GRAMD2B: variants seen among roughly 807,000 people sequenced by gnomAD.
GRAMD2B encodes GRAM domain containing 2B, also known as GRAM domain-containing protein 2B.
A neutral mutation model predicts 59.2 loss-of-function variants in GRAMD2B; 41 were observed. The ratio of observed to expected loss-of-function variants is 0.69; its 90% CI spans 0.54 to 0.90. The LOEUF is 0.90. GRAMD2B is among the 40% of genes least tolerant of loss of function. GRAMD2B has a pLI of 0.00. For synonymous variants in GRAMD2B, 161 were observed against 182.7 expected (o/e 0.88, Z 0.96); for missense variants, 424 against 500.5 (o/e 0.85, Z 1.46).
At chr5:126,431,291 C>T (rs1482293343) in intron 1 of GRAMD2B, among the ~76,000 whole-genome samples, 3 of 152,248 alleles carry the variant, frequency 2.0e-5, no homozygotes, top group South Asian at 4.1e-4. Flanking sequence ...AGTATCTGCA[C>T]ACCATAGGAG....
chr5:126,423,419 G>T lies in GRAMD2B; in HGVS notation c.-188G>T. On this transcript the variant is annotated 5_prime_UTR_variant, in exon 1 of 14. Transcript: ENST00000285689. ...ACAGTGGGTCGGACCAATCGCGCCCGCTCCGACGTGTCCAGGTCCGCGGCC... is the reference window on the plus strand; with the variant it reads ...ACAGTGGGTCGGACCAATCGCGCCCTCTCCGACGTGTCCAGGTCCGCGGCC... 1.5e-6 allele frequency: 2 copies of T among 1,379,174 alleles called. No homozygotes were observed. Among genetic ancestry groups the T allele is most frequent in the South Asian group, 3.6e-5 (2 of 55,828 alleles). 85.4% of individuals were successfully genotyped at this position (1,379,174 alleles called of 1,614,324 possible).
chr5:126,482,738 C>A (rs946280391), intron 8 of GRAMD2B, among the ~76,000 whole-genome samples: 9 of 152,170 alleles, frequency 5.9e-5, no homozygotes, highest in Non-Finnish European at 8.8e-5. Context: ...CAAGATGAGT[C>A]TCTTCTTCAT....
intron 2 of GRAMD2B, among the ~76,000 whole-genome samples, chr5:126,468,431 G>T (rs1036298950): frequency 2.6e-5 from 4 of 152,170 alleles, no homozygotes; most frequent in Admixed American, 1.3e-4. Context: ...GTTAGGCCCA[G>T]CATTTTAAGC....
chr5:126,365,873 G>A (rs955761678), intron 1 of GRAMD2B, among the ~76,000 whole-genome samples: 2 of 152,132 alleles, frequency 1.3e-5, no homozygotes, highest in African/African-American at 4.8e-5. Flanking sequence ...ACTTACCCAA[G>A]CTGGTGGATA....
chr5:126,472,076 T>A (rs1769697291), intron 3 of GRAMD2B, among the ~76,000 whole-genome samples, 162 bp from the exon 4 acceptor site: 1 of 152,208 alleles, frequency 6.6e-6, no homozygotes, highest in Non-Finnish European at 1.5e-5. Flanking sequence ...GCCCAGACTT[T>A]CACTGTGTTT....
In GRAMD2B at chr5:126,480,762, T is replaced by C. The variant is rs1294079271; in HGVS notation, c.735+55T>C. The C allele has an allele frequency of 4.1e-6, 6 of 1,464,128 alleles. No homozygotes were observed. The African/African-American group carries it at 7.0e-5, about 17-fold the overall frequency. 90.7% of individuals were successfully genotyped at this position (1,464,128 alleles called of 1,614,324 possible). On this transcript the variant is annotated intron_variant, in intron 8 of 13. Coordinates refer to ENST00000285689, the MANE Select transcript of GRAMD2B (RefSeq NM_023927.4). ...AAAAGAAAGGGAATATGTCCCACAA[T>C]TACACTTGTGCTTACACCATGACCA...
At chr5:126,440,414 T>C (rs1048610645) in intron 1 of GRAMD2B, among the ~76,000 whole-genome samples, 8 of 152,116 alleles carry the variant, frequency 5.3e-5, no homozygotes, top group Admixed American at 5.2e-4. Flanking sequence ...ATCTGAGTAA[T>C]AAAAAGATAG....
chr5:126,392,131 C>A (rs1187681669), intron 1 of GRAMD2B, among the ~76,000 whole-genome samples: 2 of 152,144 alleles, frequency 1.3e-5, no homozygotes, highest in East Asian at 3.8e-4. Flanking sequence ...CTTCCCTTTT[C>A]TCTTTTCACT....
chr5:126,443,339 A>G (rs74397037), intron 1 of GRAMD2B, among the ~76,000 whole-genome samples: 5,519 of 152,312 alleles, frequency 0.036, 348 homozygotes, highest in African/African-American at 0.13. Flanking sequence ...CAGAAACTGT[A>G]TGGCTCAGGC....
chr5:126,415,620 T>C (rs747702075), intron 1 of GRAMD2B, among the ~76,000 whole-genome samples: 2 of 152,152 alleles, frequency 1.3e-5, no homozygotes, highest in Non-Finnish European at 2.9e-5. Flanking sequence ...AATAAATCTG[T>C]GGCTACTTGA....
At chr5:126,439,290 A>G (rs534444983) in intron 1 of GRAMD2B, among the ~76,000 whole-genome samples, 1 of 151,160 alleles carries the variant, frequency 6.6e-6, no homozygotes, top group East Asian at 1.9e-4. Context: ...TATGTTGAAT[A>G]TAGATAAAAT....
At chr5:126,386,902 G>T (rs1756193065) in intron 1 of GRAMD2B, among the ~76,000 whole-genome samples, 1 of 152,140 alleles carries the variant, frequency 6.6e-6, no homozygotes, top group Non-Finnish European at 1.5e-5. Flanking sequence ...AACACAGTTG[G>T]AAGTCATTAT....
rs934738361 is a variant in GRAMD2B at position 126,491,118 on chromosome 5, T to G, written c.1258-1797T>G. ...CATATATTTACTGGCCATTTGGGTT[T>G]TCCTCTGTAAATTGCTTAATTCTCT... On this transcript the variant is annotated intron_variant, in intron 13 of 13. Transcript: ENST00000285689. Among the ~76,000 whole-genome samples the G allele has an allele frequency of 2.0e-5, 3 of 152,216 alleles. No homozygotes were observed. The South Asian group carries it at 6.2e-4, about 31-fold the overall frequency.
chr5:126,406,028 C>T (rs909022604), intron 1 of GRAMD2B, among the ~76,000 whole-genome samples: 3 of 151,782 alleles, frequency 2.0e-5, no homozygotes, highest in Non-Finnish European at 4.4e-5. Flanking sequence ...TAATTTGAAG[C>T]TTTATTGTCA....
intron 1 of GRAMD2B, among the ~76,000 whole-genome samples, chr5:126,379,881 T>C (rs1382331684): frequency 1.3e-5 from 2 of 152,222 alleles, no homozygotes; most frequent in Non-Finnish European, 2.9e-5. Flanking sequence ...GCTGATTATT[T>C]CTTTTGCTTT....
chr5:126,361,897 G>A (rs1387432372), intron 1 of GRAMD2B, among the ~76,000 whole-genome samples: 1 of 152,188 alleles, frequency 6.6e-6, no homozygotes, highest in African/African-American at 2.4e-5. Flanking sequence ...CATGAGACCA[G>A]TTCGATAGGC....
chr5:126,378,533 A>G (rs1215528620), intron 1 of GRAMD2B, among the ~76,000 whole-genome samples: 2 of 152,182 alleles, frequency 1.3e-5, no homozygotes, highest in African/African-American at 4.8e-5. Flanking sequence ...CTTCAGGCCC[A>G]TAAAACCTGG....
At chr5:126,363,907 G>A (rs6595696) in intron 1 of GRAMD2B, among the ~76,000 whole-genome samples, 61,898 of 151,866 alleles carry the variant, frequency 0.41, 12,875 homozygotes, top group Admixed American at 0.46. Context: ...TGGTGGTGAT[G>A]GTTGCACAAT....
chr5:126,429,292 G>A (rs771848229), intron 1 of GRAMD2B, among the ~76,000 whole-genome samples: 1 of 152,108 alleles, frequency 6.6e-6, no homozygotes, highest in Admixed American at 6.6e-5. Context: ...AACAAAAAAC[G>A]AAATACCACA....
Sources: allele counts gnomAD v4.1 joint callset (sites outside exome capture counted in the v4.1 genomes callset), GRCh38; gene constraint gnomAD v4.1.1; transcripts MANE v1.5; gene names NCBI Gene and HGNC (gene_info 2026-07-23, HGNC 2026-07-21).